Variants in CUL5 observed in about 807,000 individuals in gnomAD.
The protein encoded by CUL5 is cullin 5.
A neutral mutation model predicts 108.8 loss-of-function variants in CUL5; 26 were observed. The observed-to-expected ratio is 0.24, with a 90% confidence interval of 0.18 to 0.33. The LOEUF (loss-of-function observed/expected upper bound fraction) is 0.33, where lower values mean the gene tolerates loss of function less well. Among genes scored for constraint, CUL5 ranks in the 10% least tolerant of loss-of-function variants. The pLI, the probability that CUL5 is intolerant of heterozygous loss-of-function variation, is 1.00. For synonymous variants in CUL5, 334 were observed against 298.0 expected (o/e 1.12, Z -1.25); for missense variants, 524 against 909.2 (o/e 0.58, Z 5.45).
At chr11:108,012,561 A>G (rs948545184) in intron 1 of CUL5, among the ~76,000 whole-genome samples, 3 of 123,554 alleles carry the variant, frequency 2.4e-5, no homozygotes, top group Admixed American at 8.9e-5. Context: ...TTTTTCTCCT[A>G]TGCCTATAAG....
chr11:108,052,689 C>G lies in CUL5; in HGVS notation c.441C>G (p.Ile147Met). 1 of 1,611,608 alleles carries G rather than the reference C, an allele frequency of 6.2e-7. No homozygotes were observed. The highest frequency in any genetic ancestry group is 8.5e-7 in the Non-Finnish European group (1 of 1,178,692). Residue 147 changes from isoleucine to methionine, a missense_variant, in exon 5 of 19, where the codon ATC becomes ATG. Transcript: ENST00000393094. ...KLMLDTWNES[I>M]FSNIKNRLQD... ...TGCTTGATACATGGAATGAGTCAAT[C>G]TTTTCAAACATAAAAAACAGACTCC...
chr11:108,053,115 G>A (rs1048615988), intron 5 of CUL5, among the ~76,000 whole-genome samples: 19 of 152,274 alleles, frequency 1.2e-4, no homozygotes, highest in African/African-American at 4.6e-4. Context: ...AGGTATTTAT[G>A]TTTTCAGGAA....
intron 4 of CUL5, among the ~76,000 whole-genome samples, chr11:108,052,220 C>T (rs1008394450): frequency 6.6e-6 from 1 of 152,222 alleles, no homozygotes; most frequent in Non-Finnish European, 1.5e-5. Flanking sequence ...ATCCTCCCAC[C>T]TTGGCCTCCC....
chr11:108,048,901 G>A lies in CUL5; in HGVS notation c.235-989G>A, dbSNP rs56180540. Among the ~76,000 whole-genome samples the A allele has an allele frequency of 8.1e-3, 1,225 of 151,796 alleles. 9 individuals carry two copies. Among genetic ancestry groups the A allele is most frequent in the Non-Finnish European group, 0.013 (866 of 67,938 alleles). On this transcript the variant is annotated intron_variant, in intron 3 of 18. Transcript: ENST00000393094. ...AAGCTGGTCTCAAACTCATGACCTC[G>A]TGATCTGCCCGCCTTAGCCTCCCAA...
At chr11:108,030,569 G>A (rs558616864) in intron 1 of CUL5, among the ~76,000 whole-genome samples, 4 of 152,226 alleles carry the variant, frequency 2.6e-5, no homozygotes, top group South Asian at 2.1e-4. Flanking sequence ...CCCGGGAGGC[G>A]GAGGTTGCGG....
intron 7 of CUL5, among the ~76,000 whole-genome samples, chr11:108,055,424 A>G (rs1490507008): frequency 6.6e-6 from 1 of 152,096 alleles, no homozygotes; most frequent in Non-Finnish European, 1.5e-5. Context: ...AGATGTTTCA[A>G]ACTTCATTTG....
chr11:108,047,033 TG>T (rs1196085920), intron 3 of CUL5, among the ~76,000 whole-genome samples: 2 of 152,166 alleles, frequency 1.3e-5, no homozygotes, highest in Non-Finnish European at 2.9e-5. Flanking sequence ...ACATGAGGTC[TG>T]GGACAGGGCA....
intron 10 of CUL5, among the ~76,000 whole-genome samples, chr11:108,077,891 G>C (rs1863980353): frequency 6.6e-6 from 1 of 152,100 alleles, no homozygotes; most frequent in African/African-American, 2.4e-5. Flanking sequence ...GGAGGTTGCA[G>C]TGAGTGGAGA....
intron 4 of CUL5, among the ~76,000 whole-genome samples, chr11:108,052,103 C>T (rs1863241271): frequency 6.6e-6 from 1 of 151,990 alleles, no homozygotes. Context: ...GTAGCTGGGA[C>T]TACAGGCACA....
intron 7 of CUL5, among the ~76,000 whole-genome samples, chr11:108,055,872 C>G (rs140949721): frequency 1.2e-3 from 181 of 152,296 alleles, no homozygotes; most frequent in African/African-American, 4.1e-3. Flanking sequence ...CTCAGGTGAT[C>G]CACCTGCCTT....
intron 18 of CUL5, among the ~76,000 whole-genome samples, chr11:108,101,385 C>G (rs1307134792): frequency 5.9e-5 from 9 of 152,210 alleles, no homozygotes; most frequent in Non-Finnish European, 5.9e-5. Context: ...CTGTTGGTAA[C>G]TGCTGCTGTT....
chr11:108,054,816 G>A (rs772886015), intron 6 of CUL5, 24 bp downstream of exon 6: 2 of 1,603,198 alleles, frequency 1.2e-6, no homozygotes, highest in Non-Finnish European at 8.5e-7. Flanking sequence ...TAGTATATGT[G>A]ATAATTTGAG....
chr11:108,042,571 A>AT (rs1449233951), intron 2 of CUL5, among the ~76,000 whole-genome samples: 1 of 151,434 alleles, frequency 6.6e-6, no homozygotes, highest in African/African-American at 2.4e-5. Context: ...CCTCTCTCCT[A>AT]TTTTTGTACA....
At chr11:108,029,544 TTATTAA>T (rs1862526671) in intron 1 of CUL5, among the ~76,000 whole-genome samples, 1 of 152,202 alleles carries the variant, frequency 6.6e-6, no homozygotes, top group Admixed American at 6.5e-5. Context: ...ATTCTTTTTC[TTATTAA>T]TAAGGCATTC....
chr11:108,098,568 C>T (rs753605744), intron 18 of CUL5, 39 bp downstream of exon 18: 10 of 1,134,508 alleles, frequency 8.8e-6, no homozygotes, highest in South Asian at 5.8e-5. Flanking sequence ...TTTAAAAAAA[C>T]TTTAGTTTTT....
chr11:108,066,584 A>G (rs3847563), intron 7 of CUL5, among the ~76,000 whole-genome samples: 148,536 of 152,260 alleles, frequency 0.98, 72,534 homozygotes, highest in Middle Eastern at 1. Flanking sequence ...TTGTAATAAA[A>G]TTGTAATAAA....
At chr11:108,095,160 A>T (rs947815662) in intron 15 of CUL5, among the ~76,000 whole-genome samples, 173 bp downstream of exon 15, 20 of 152,336 alleles carry the variant, frequency 1.3e-4, no homozygotes, top group African/African-American at 4.6e-4. Flanking sequence ...TGGTTATACC[A>T]TCATACTTAA....
chr11:108,057,960 C>G (rs1273733067), intron 7 of CUL5, among the ~76,000 whole-genome samples: 3 of 152,056 alleles, frequency 2.0e-5, no homozygotes, highest in Admixed American at 1.3e-4. Context: ...CCTGTAATCC[C>G]AGCACTTTGG....
chr11:108,075,158 A>C (rs765447661), intron 10 of CUL5, among the ~76,000 whole-genome samples: 4 of 152,084 alleles, frequency 2.6e-5, no homozygotes, highest in Non-Finnish European at 5.9e-5. Flanking sequence ...CTTGTCCCAG[A>C]GTGATGGTAG....
Sources: gnomAD v4.1 joint callset for allele counts (sites outside exome capture counted in the v4.1 genomes callset) on GRCh38, gnomAD v4.1.1 for gene constraint, MANE v1.5 for transcripts, NCBI Gene and HGNC (gene_info 2026-07-23, HGNC 2026-07-21) for gene names.